CENPW: variants seen among roughly 807,000 people sequenced by gnomAD.
CENPW encodes the protein cancer-up-regulated gene 2 protein.
A neutral mutation model predicts 11.1 loss-of-function variants in CENPW; 3 were observed. The ratio of observed to expected loss-of-function variants is 0.27; its 90% CI spans 0.12 to 0.70. The LOEUF is 0.70. Among genes scored for constraint, CENPW ranks in the 30% least tolerant of loss-of-function variants. The pLI is 0.77. For missense variants in CENPW, 100 were observed against 105.6 expected (o/e 0.95, Z 0.23); for synonymous variants, 38 against 42.0 (o/e 0.91, Z 0.37).
the CENPW span, among the ~76,000 whole-genome samples, chr6:126,467,828 C>T: frequency 3.3e-5 from 5 of 152,062 alleles, no homozygotes; most frequent in African/African-American, 4.8e-5. Flanking sequence ...GTCTGACAAA[C>T]ATTAGCTCAA....
chr6:126,398,957 C>T, the CENPW span, among the ~76,000 whole-genome samples: 1 of 151,872 alleles, frequency 6.6e-6, no homozygotes, highest in Non-Finnish European at 1.5e-5. Context: ...TAATGGCCTC[C>T]AGCTGCATTC....
chr6:126,377,953 C>T, the CENPW span, among the ~76,000 whole-genome samples: 8 of 152,136 alleles, frequency 5.3e-5, no homozygotes, highest in African/African-American at 1.7e-4. Flanking sequence ...CCAAGTTACA[C>T]ATGATGACAA....
chr6:126,394,383 C>A, the CENPW span, among the ~76,000 whole-genome samples: 2 of 151,978 alleles, frequency 1.3e-5, no homozygotes, highest in Non-Finnish European at 2.9e-5. Flanking sequence ...CTAGTTTACA[C>A]TGATTTCATA....
At chr6:126,442,044 G>T in the CENPW span, among the ~76,000 whole-genome samples, 2 of 151,606 alleles carry the variant, frequency 1.3e-5, no homozygotes, top group East Asian at 3.9e-4. Flanking sequence ...TTCCACAGTG[G>T]TTGTACCAGT....
chr6:126,354,908 C>T, the CENPW span, among the ~76,000 whole-genome samples: 2 of 152,210 alleles, frequency 1.3e-5, no homozygotes, highest in African/African-American at 4.8e-5. Context: ...GAAGGTCCTG[C>T]ATCTCAGGAA....
chr6:126,460,513 C>T, the CENPW span, among the ~76,000 whole-genome samples: 2 of 151,746 alleles, frequency 1.3e-5, no homozygotes, highest in South Asian at 2.1e-4. Flanking sequence ...AACATCTTAC[C>T]CCCTCCTGAT....
At chr6:126,422,917 C>G in the CENPW span, among the ~76,000 whole-genome samples, 1 of 152,100 alleles carries the variant, frequency 6.6e-6, no homozygotes, top group Admixed American at 6.6e-5. Context: ...AGTAATAAAG[C>G]TAGAACAACG....
the CENPW span, among the ~76,000 whole-genome samples, chr6:126,404,235 A>G: frequency 6.6e-6 from 1 of 152,120 alleles, no homozygotes; most frequent in Non-Finnish European, 1.5e-5. Flanking sequence ...TGTTGTTTAC[A>G]TATCTGCTAA....
chr6:126,407,549 C>T, the CENPW span, among the ~76,000 whole-genome samples: 1 of 152,180 alleles, frequency 6.6e-6, no homozygotes, highest in Non-Finnish European at 1.5e-5. Flanking sequence ...CATACTCCCA[C>T]CAATAGTGTA....
the CENPW span, among the ~76,000 whole-genome samples, chr6:126,430,563 C>T: frequency 2.0e-5 from 3 of 152,144 alleles, no homozygotes; most frequent in Non-Finnish European, 4.4e-5. Context: ...GGGTCCTGTT[C>T]TGATTGGGCT....
the CENPW span, among the ~76,000 whole-genome samples, chr6:126,465,621 A>G: frequency 6.6e-6 from 1 of 152,160 alleles, no homozygotes; most frequent in African/African-American, 2.4e-5. Flanking sequence ...AATAATTATT[A>G]TAAAGCTACA....
chr6:126,427,309 TAGA>T, the CENPW span, among the ~76,000 whole-genome samples: 1 of 152,194 alleles, frequency 6.6e-6, no homozygotes, highest in African/African-American at 2.4e-5. Flanking sequence ...AATTACATGG[TAGA>T]AGAAGCCACT....
At chr6:126,411,156 G>A in the CENPW span, among the ~76,000 whole-genome samples, 1 of 152,258 alleles carries the variant, frequency 6.6e-6, no homozygotes, top group African/African-American at 2.4e-5. Context: ...TTCACTTGCA[G>A]TTGGGCTTAT....
At chr6:126,418,334 G>A in the CENPW span, among the ~76,000 whole-genome samples, 1 of 152,136 alleles carries the variant, frequency 6.6e-6, no homozygotes, top group Non-Finnish European at 1.5e-5. Context: ...CAAAAAAGTG[G>A]AAACTTAATA....
chr6:126,481,278 T>C, the CENPW span, among the ~76,000 whole-genome samples: 1 of 151,230 alleles, frequency 6.6e-6, no homozygotes, highest in South Asian at 2.1e-4. Flanking sequence ...ACTAAGCAAT[T>C]TTTTTTTTGG....
chr6:126,483,064 C>A, the CENPW span, among the ~76,000 whole-genome samples: 1 of 151,704 alleles, frequency 6.6e-6, no homozygotes, highest in African/African-American at 2.4e-5. Flanking sequence ...TATATGTGAT[C>A]CTAGGTAGTG....
At chr6:126,360,086 C>T in the CENPW span, among the ~76,000 whole-genome samples, 2 of 152,168 alleles carry the variant, frequency 1.3e-5, no homozygotes, top group Non-Finnish European at 2.9e-5. Context: ...ATATTTAGCA[C>T]TCCCTTAAAG....
chr6:126,420,771 C>A, the CENPW span, among the ~76,000 whole-genome samples: 3 of 152,048 alleles, frequency 2.0e-5, no homozygotes, highest in African/African-American at 7.2e-5. Context: ...GTGGGTCCTA[C>A]AAAGGGAAAG....
chr6:126,358,105 A>T, the CENPW span, among the ~76,000 whole-genome samples: 1 of 152,154 alleles, frequency 6.6e-6, no homozygotes, highest in East Asian at 1.9e-4. Flanking sequence ...CACTTATAGG[A>T]GCCTTTTGGT....
Sources: allele counts gnomAD v4.1 joint callset (sites outside exome capture counted in the v4.1 genomes callset), GRCh38; gene constraint gnomAD v4.1.1; transcripts MANE v1.5; gene names NCBI Gene and HGNC (gene_info 2026-07-23, HGNC 2026-07-21).